The following TTC9B variants were observed in gnomAD, a reference collection of about 807,000 sequenced individuals.
The protein encoded by TTC9B is tetratricopeptide repeat domain 9B, also known as tetratricopeptide repeat protein 9B.
A neutral mutation model predicts 19.4 loss-of-function variants in TTC9B; 12 were observed. The observed-to-expected ratio is 0.62, with a 90% CI of 0.40 to 1.00. TTC9B has a LOEUF of 1.00. Ranked by LOEUF, TTC9B falls within the 50% of genes least tolerant of loss-of-function variation. The probability of loss-of-function intolerance (pLI) is 0.00; values close to 1 mark genes in which losing one functional copy is unlikely to be tolerated. For missense variants in TTC9B, 316 were observed against 345.2 expected (o/e 0.92, Z 0.67); for synonymous variants, 156 against 158.6 (o/e 0.98, Z 0.12).
rs1429694392 is a variant in TTC9B, at chr19:40,218,056, GGGGCGGGCAGGCCGCTA to G, written c.309_325del (p.Ser104ArgfsTer?). ...GGGGCTGCTGGTGGGCCCGGGGGCGGGGGCGGGCAGGCCGCTAGGGCGGGCCCCCTGCGCCGCCTTCA... is the reference window on the plus strand; with the variant it reads ...GGGGCTGCTGGTGGGCCCGGGGGCGGGGGCGGGCCCCCTGCGCCGCCTTCA... On this transcript the variant is annotated frameshift_variant, in exon 1 of 3. Transcript: ENST00000311308. LOFTEE classifies it high-confidence loss of function. This position sits in a 1 kb window ranked among gnomAD's most constrained non-coding sequence, Gnocchi z 4.2. The G allele has an allele frequency of 6.6e-7, 1 of 1,516,738 alleles. No homozygotes were observed. The highest frequency in any genetic ancestry group is 8.8e-7 in the Non-Finnish European group (1 of 1,138,884). 94.0% of individuals were successfully genotyped at this position (1,516,738 alleles called of 1,614,324 possible). A position where few individuals can be genotyped will look rare whatever the true frequency, so the allele number is the denominator to read the frequency against.
intron 1 of TTC9B, 178 bp from the exon 2 acceptor site, chr19:40,217,547 G>T (rs1402931927): frequency 1.2e-6 from 1 of 808,984 alleles, no homozygotes; most frequent in Non-Finnish European, 1.9e-6. Context: ...CTGCTAGGGG[G>T]CGCCAAAACA....
At chr19:40,216,901 G>A in intron 2 of TTC9B, 1 of 558,134 alleles carries the variant, frequency 1.8e-6, no homozygotes, top group South Asian at 2.2e-5. Context: ...CTGAGCAGGT[G>A]AATAGGAGAT....
chr19:40,216,984 T>C (rs1220624139), intron 2 of TTC9B: 1 of 608,368 alleles, frequency 1.6e-6, no homozygotes, highest in Admixed American at 3.0e-5. Context: ...GGACGGATGT[T>C]TGAATGGCGG....
At chr19:40,216,856 G>A in intron 2 of TTC9B, 3 of 480,120 alleles carry the variant, frequency 6.2e-6, no homozygotes, top group Non-Finnish European at 1.1e-5. Context: ...GTGGGACGGG[G>A]TAATGGAGAT....
rs758825903 is a variant in TTC9B, at chr19:40,218,314, G to A, written c.68C>T (p.Pro23Leu). The A allele has an allele frequency of 3.7e-5, 51 of 1,369,974 alleles. No individual in the cohort carries two copies. The highest frequency in any genetic ancestry group is 1.9e-5 in the Non-Finnish European group (20 of 1,070,428). 84.9% of individuals were successfully genotyped at this position (1,369,974 alleles called of 1,614,324 possible). ...CGAGCCCGGTGGGGAGAGGGCGGGA[G>A]GCGGGCGCGGCGGAGGCTCCGGGGC... The part of the protein sequence containing the change: ...SAAPEPPPRP[P>L]PALSPPGSGP... The change falls in exon 1 of 3, where the codon CCT (proline) becomes CTT (leucine). Residue 23 changes from proline (P) to leucine (L), a missense_variant. Coordinates refer to ENST00000311308, the MANE Select transcript of TTC9B (RefSeq NM_152479.6). This position sits in a 1 kb window ranked among gnomAD's most constrained non-coding sequence, Gnocchi z 4.2.
In TTC9B at chr19:40,216,224, C is replaced by A; in HGVS notation, c.659G>T (p.Arg220Leu). The A allele has an allele frequency of 6.2e-7, 1 of 1,614,202 alleles. No homozygotes were observed. The highest frequency in any genetic ancestry group is 2.2e-5 in the East Asian group (1 of 44,892). The change falls in exon 3 of 3, where the codon CGT (arginine) becomes CTT (leucine). Residue 220 changes from arginine to leucine, a missense_variant. Physicochemically the swap from Arg to Leu is moderately radical, Grantham distance 102. Coordinates refer to ENST00000311308, the MANE Select transcript of TTC9B (RefSeq NM_152479.6). ...ACTGTCTTCCCGCTGGAGGCTGCAA[C>A]GATTCATCTTCAGCTGAGTCAGCTG... ...YIQLTQLKMN[R>L]CSLQREDSGA...
chr19:40,216,133 G>A lies in TTC9B; in HGVS notation c.*30C>T, dbSNP rs368622616. Reference sequence around the variant, plus strand: ...AAGTTACATGGTGAGGTGGGAGGGCGAGGGATAGAGAGGTCCCCCTGGATT... The same window carrying A: ...AAGTTACATGGTGAGGTGGGAGGGCAAGGGATAGAGAGGTCCCCCTGGATT... On this transcript the variant is annotated 3_prime_UTR_variant, in exon 3 of 3. Coordinates refer to ENST00000311308, the MANE Select transcript of TTC9B (RefSeq NM_152479.6). The A allele has an allele frequency of 1.8e-5, 28 of 1,568,354 alleles. 1 individual carries two copies. The highest frequency in any genetic ancestry group is 1.7e-4 in the Middle Eastern group (1 of 5,994).
In TTC9B at chr19:40,217,227, C is replaced by G; in HGVS notation, c.570G>C (p.Ala190=). 6.2e-7 allele frequency: 1 copy of G among 1,613,776 alleles called. No homozygotes were observed. The highest frequency in any genetic ancestry group is 8.5e-7 in the Non-Finnish European group (1 of 1,179,908). The stretch of plus-strand genomic sequence containing the variant: ...TGCGGGCCTCCTGCAGGTAGCGCAG[C>G]GCGCGTGCGTAGTCGCCCAGGTGGT... ...AFYHLGDYAR[A]LRYLQEARSR... Residue 190 remains alanine (A), a synonymous_variant, in exon 2 of 3, where the codon GCG becomes GCC. Coordinates refer to ENST00000311308, the MANE Select transcript of TTC9B (RefSeq NM_152479.6).
intron 2 of TTC9B, 116 bp from the exon 3 acceptor site, chr19:40,216,388 A>G (rs576880280): frequency 2.1e-5 from 15 of 724,200 alleles, no homozygotes; most frequent in African/African-American, 3.5e-5. Flanking sequence ...TCACACAGCC[A>G]GTAGAGCCAG....
At chr19:40,217,708 T>C (rs1282914155) in intron 1 of TTC9B, 3 of 514,890 alleles carry the variant, frequency 5.8e-6, no homozygotes, top group Non-Finnish European at 1.0e-5. Flanking sequence ...GTGGAAAGAA[T>C]GACTCAGGGG....
At chr19:40,217,504 C>A in intron 1 of TTC9B, 135 bp from the exon 2 acceptor site, 1 of 1,155,664 alleles carries the variant, frequency 8.7e-7, no homozygotes. Context: ...GGCGCCAATC[C>A]GCTCGCCTAT....
rs1452559368 is a variant in TTC9B, at chr19:40,217,189, G to A, written c.608C>T (p.Thr203Ile). ...CTCTGCCCCGCCCCGCCACTCACCT[G>A]TGGGTTCCCGGCTGCGGGCCTCCTG... ...YLQEARSREP[T>I]DTNVLRYIQL... The change falls in exon 2 of 3, where the codon ACA becomes ATA. Residue 203 changes from threonine (T) to isoleucine (I), a missense_variant and splice_region_variant. Transcript: ENST00000311308. 3 of 1,611,332 alleles carry A rather than the reference G, an allele frequency of 1.9e-6. No homozygotes were observed. Among genetic ancestry groups the A allele is most frequent in the Admixed American group, 1.7e-5 (1 of 59,752 alleles).
chr19:40,218,145 C>A lies in TTC9B; in HGVS notation c.237G>T (p.Lys79Asn). The change falls in exon 1 of 3, where the codon AAG becomes AAT. Residue 79 changes from lysine (K) to asparagine (N), a missense_variant. By Grantham distance (94) the Lys-to-Asn change is moderately conservative. Transcript: ENST00000311308. The surrounding 1 kb of genome is among the most constrained non-coding windows in gnomAD (Gnocchi z 4.2). ...ACTTGCCGATGGCCTCCCGGAACTT[C>A]TTCTCTCGATAGCAGCGCTGGCCCT... ...KAEGQRCYREKKFREAIGKYH... is the reference protein window; with the variant it reads ...KAEGQRCYRENKFREAIGKYH... 1 of 1,574,058 alleles carries A rather than the reference C, an allele frequency of 6.4e-7. No homozygotes were observed. The highest frequency in any genetic ancestry group is 8.6e-7 in the Non-Finnish European group (1 of 1,164,654).
chr19:40,217,481 T>G (rs1241744246), intron 1 of TTC9B, 112 bp from the exon 2 acceptor site: 6 of 1,343,810 alleles, frequency 4.5e-6, no homozygotes, highest in Non-Finnish European at 6.0e-6. Flanking sequence ...AAGGGATTGC[T>G]CCGGCAACCA....
At position 40,217,575 on chromosome 19, in the gene TTC9B, G is replaced by A. The variant is rs1031873084; in HGVS notation, c.428-206C>T. 3.3e-5 allele frequency: 22 copies of A among 660,986 alleles called. 1 individual carries two copies. The highest frequency in any genetic ancestry group is 6.1e-5 in the South Asian group (3 of 49,258). 40.9% of individuals were successfully genotyped at this position (660,986 alleles called of 1,614,324 possible). On this transcript the variant is annotated intron_variant, in intron 1 of 2. Transcript: ENST00000311308. ...CCAAAACACGGACAGGCGCCACTGGGCGATCCACCCAGAGCTGTCGGTGGG... is the reference window on the plus strand; with the variant it reads ...CCAAAACACGGACAGGCGCCACTGGACGATCCACCCAGAGCTGTCGGTGGG...
At chr19:40,217,618 C>G (rs546291181) in intron 1 of TTC9B, 2 of 534,820 alleles carry the variant, frequency 3.7e-6, no homozygotes, top group Non-Finnish European at 6.5e-6. Context: ...ACTAAGGCCC[C>G]GCGCGGGGGC....
intron 2 of TTC9B, 55 bp from the exon 3 acceptor site, chr19:40,216,327 T>G: frequency 7.3e-7 from 1 of 1,366,946 alleles, no homozygotes. Flanking sequence ...GCAGGTGACT[T>G]CCACACCTCC....
chr19:40,217,959 G>A lies in TTC9B; in HGVS notation c.423C>T (p.Leu141=), dbSNP rs1314736823. The change falls in exon 1 of 3, where the codon CTC becomes CTT. Residue 141 remains leucine, a synonymous_variant. Coordinates refer to ENST00000311308, the MANE Select transcript of TTC9B (RefSeq NM_152479.6). ...ESTEVECYDS[L]TACLLQSELV... is the part of the protein sequence containing the mutation. ...CCCCACCCCCCGACGGCGTACCCGT[G>A]AGGGAGTCGTAACACTCCACCTCCG... The A allele has an allele frequency of 1.8e-5, 27 of 1,475,652 alleles. 1 individual carries two copies. The Middle Eastern group carries it at 7.1e-4, about 39-fold the overall frequency. 91.4% of individuals were successfully genotyped at this position (1,475,652 alleles called of 1,614,324 possible). A position where few individuals can be genotyped will look rare whatever the true frequency, so the allele number is the denominator to read the frequency against.
At position 40,216,268 on chromosome 19, in the gene TTC9B, G is replaced by A. The variant is rs761095244; in HGVS notation, c.615C>T (p.Thr205=). 6.2e-7 allele frequency: 1 copy of A among 1,613,750 alleles called. No individual in the cohort carries two copies. Among genetic ancestry groups the A allele is most frequent in the South Asian group, 1.1e-5 (1 of 91,064 alleles). ...QEARSREPTD[T]NVLRYIQLTQ... ...TCAGCTGGATGTAGCGGAGCACATTGGTGTCTGCAGGGGAGGTGGGCAGGG... is the reference window on the plus strand; with the variant it reads ...TCAGCTGGATGTAGCGGAGCACATTAGTGTCTGCAGGGGAGGTGGGCAGGG... The change falls in exon 3 of 3, where the codon ACC becomes ACT. Residue 205 remains threonine, a synonymous_variant. Transcript: ENST00000311308.
Sources: gnomAD v4.1 joint callset for allele counts on GRCh38, gnomAD v4.1.1 for gene constraint, Gnocchi (gnomAD v3.1) non-coding constraint, MANE v1.5 for transcripts, NCBI Gene and HGNC (gene_info 2026-07-23, HGNC 2026-07-21) for gene names.